Variants in ACCSL observed in about 807,000 individuals in gnomAD.
The protein encoded by ACCSL is 1-aminocyclopropane-1-carboxylate synthase homolog (inactive) like.
In ACCSL, 55 loss-of-function variants were observed where a neutral mutation model predicts 61.7. The observed-to-expected ratio is 0.89, with a 90% CI of 0.72 to 1.12. The LOEUF (loss-of-function observed/expected upper bound fraction) is 1.12. Ranked by LOEUF, ACCSL falls within the 50% of genes most tolerant of loss-of-function variation. The pLI is 0.00. For synonymous variants in ACCSL, 258 were observed against 264.3 expected, an observed-to-expected ratio of 0.98 and a Z score of 0.23; for missense variants, 632 against 698.0, an observed-to-expected ratio of 0.91 and a Z score of 1.07.
the ACCSL span, among the ~76,000 whole-genome samples, chr11:44,001,775 CTGTGTGTGTGTGTGTGTGTG>C: frequency 1.2e-3 from 119 of 96,836 alleles, no homozygotes; most frequent in African/African-American, 3.3e-3. Flanking sequence ...GGTAAAGGGG[CTGTGTGTGTGTGTGTGTGTG>C]TGTGTGTGTG....
chr11:43,950,038 ATTGT>A, the ACCSL span, among the ~76,000 whole-genome samples: 1 of 152,126 alleles, frequency 6.6e-6, no homozygotes, highest in African/African-American at 2.4e-5. Context: ...CCTCTGCCTT[ATTGT>A]TTATGTAAAA....
chr11:44,032,349 A>G, the ACCSL span, among the ~76,000 whole-genome samples: 3 of 152,198 alleles, frequency 2.0e-5, no homozygotes, highest in Non-Finnish European at 4.4e-5. Context: ...CTCTGCTTGC[A>G]TGGCTCTTGT....
the ACCSL span, among the ~76,000 whole-genome samples, chr11:43,961,091 G>A: frequency 6.6e-6 from 1 of 152,178 alleles, no homozygotes; most frequent in African/African-American, 2.4e-5. Context: ...AAAGCGCTGG[G>A]ATTACAGGCG....
At chr11:44,015,127 C>T in the ACCSL span, among the ~76,000 whole-genome samples, 1 of 152,234 alleles carries the variant, frequency 6.6e-6, no homozygotes, top group African/African-American at 2.4e-5. Context: ...ACTCAGTGGC[C>T]AGCTAATGGC....
the ACCSL span, chr11:43,943,273 A>T: frequency 6.7e-7 from 1 of 1,488,266 alleles, no homozygotes; most frequent in Non-Finnish European, 8.9e-7. The surrounding 1 kb of genome is among the most constrained non-coding windows in gnomAD (Gnocchi z 4.8). Flanking sequence ...CGGCCCTGTA[A>T]GGGGCGCCGC....
At chr11:44,037,447 G>A in the ACCSL span, among the ~76,000 whole-genome samples, 1 of 152,240 alleles carries the variant, frequency 6.6e-6, no homozygotes, top group East Asian at 1.9e-4. Flanking sequence ...CGCACTGGCT[G>A]CTCCTTGTCT....
At chr11:44,046,500 G>T (rs1952598087), upstream of ACCSL, among the ~76,000 whole-genome samples, 1 of 152,234 alleles carries the variant, frequency 6.6e-6, no homozygotes, top group Admixed American at 6.5e-5. Context: ...GACCTGGGCA[G>T]ACACTGAACA....
At chr11:44,010,112 G>T in the ACCSL span, among the ~76,000 whole-genome samples, 7 of 152,090 alleles carry the variant, frequency 4.6e-5, no homozygotes, top group Non-Finnish European at 8.8e-5. Flanking sequence ...AGGCCAAGGT[G>T]GGGGGATCAC....
At chr11:44,052,957 A>C (rs865837352) in intron 6 of ACCSL, 34 bp from the exon 7 acceptor site, 1 of 1,594,420 alleles carries the variant, frequency 6.3e-7, no homozygotes, top group Non-Finnish European at 8.6e-7. Context: ...CTTAGATTTT[A>C]AGAGACACTT....
chr11:43,952,191 G>A, the ACCSL span, among the ~76,000 whole-genome samples: 3 of 152,044 alleles, frequency 2.0e-5, no homozygotes, highest in Admixed American at 2.0e-4. Context: ...GCATAGTACT[G>A]ATGGATAGTT....
In ACCSL at chr11:44,049,953, T is replaced by C. The variant is rs969175113; in HGVS notation, c.505-109T>C. ...AACGTGTAAAGTTGTCAAATTTGGA[T>C]TGAATTGCCTCATAGGCAGTGAGAT... On this transcript the variant is annotated intron_variant, in intron 1 of 13. Transcript: ENST00000378832. The C allele has an allele frequency of 2.7e-6, 4 of 1,455,876 alleles. No homozygotes were observed. In the Admixed American group the frequency reaches 5.3e-5, roughly 19 times the overall value. The allele number at this position is 1,455,876 out of a possible 1,614,324, so 90.2% of individuals were successfully genotyped here.
chr11:44,056,994 CTG>C (rs1952675832), intron 11 of ACCSL, among the ~76,000 whole-genome samples: 1 of 152,242 alleles, frequency 6.6e-6, no homozygotes. Context: ...CCCCAAAACT[CTG>C]TTTGCTTTAG....
chr11:43,943,742 C>T, the ACCSL span: 1 of 1,304,392 alleles, frequency 7.7e-7, no homozygotes, highest in Admixed American at 2.3e-5. The surrounding 1 kb of genome is among the most constrained non-coding windows in gnomAD (Gnocchi z 4.8). Flanking sequence ...GGGCGCAGCG[C>T]GGCTGCTACT....
the ACCSL span, among the ~76,000 whole-genome samples, chr11:44,036,990 A>G: frequency 6.6e-6 from 1 of 152,144 alleles, no homozygotes; most frequent in Non-Finnish European, 1.5e-5. Context: ...TTAGAAGCCC[A>G]GAGAACTGAA....
At chr11:43,999,305 A>G in the ACCSL span, among the ~76,000 whole-genome samples, 5 of 152,162 alleles carry the variant, frequency 3.3e-5, no homozygotes, top group Non-Finnish European at 7.4e-5. Flanking sequence ...CAGGCTTAAA[A>G]TGACACACCT....
intron 3 of ACCSL, 58 bp from the exon 4 acceptor site, chr11:44,051,277 G>T: frequency 6.4e-7 from 1 of 1,565,442 alleles, no homozygotes; most frequent in South Asian, 1.1e-5. Flanking sequence ...TGACCATCTA[G>T]ACCATGAGTG....
the ACCSL span, among the ~76,000 whole-genome samples, chr11:44,007,113 G>A: frequency 2.0e-5 from 3 of 152,144 alleles, no homozygotes; most frequent in African/African-American, 7.2e-5. Context: ...GCCCATACAA[G>A]GCCAGAGTCT....
At chr11:44,010,477 G>C in the ACCSL span, among the ~76,000 whole-genome samples, 3 of 152,192 alleles carry the variant, frequency 2.0e-5, no homozygotes, top group African/African-American at 7.2e-5. Context: ...GTTAATGCAG[G>C]TTTTTCAGAG....
At chr11:44,012,190 C>A in the ACCSL span, among the ~76,000 whole-genome samples, 1 of 152,082 alleles carries the variant, frequency 6.6e-6, no homozygotes, top group East Asian at 1.9e-4. Flanking sequence ...CCCATTTATG[C>A]CCACTTTGTG....
Sources: gnomAD v4.1 joint callset for allele counts (sites outside exome capture counted in the v4.1 genomes callset) on GRCh38, gnomAD v4.1.1 for gene constraint, Gnocchi (gnomAD v3.1) non-coding constraint, MANE v1.5 for transcripts, NCBI Gene and HGNC (gene_info 2026-07-23, HGNC 2026-07-21) for gene names.